Variants in SLC10A1 observed in about 807,000 individuals in gnomAD.
SLC10A1 encodes the protein hepatic sodium/bile acid cotransporter.
SLC10A1 carries 36 observed loss-of-function variants against 20.5 expected under a neutral mutation model. The observed-to-expected ratio is 1.75, with a 90% CI of 1.34 to 2.32. The LOEUF is 2.32. Ranked by LOEUF, SLC10A1 falls within the 30% of genes most tolerant of loss-of-function variation. The pLI is 0.00. For synonymous variants in SLC10A1, 188 were observed against 163.6 expected, an observed-to-expected ratio of 1.15 and a Z score of -1.14; for missense variants, 545 against 439.1, an observed-to-expected ratio of 1.24 and a Z score of -2.16.
rs61423777 is a variant in SLC10A1, at chr14:69,780,495, AAGT to A, written c.568-1138_568-1136del. On this transcript the variant is annotated intron_variant, in intron 2 of 4. Coordinates refer to ENST00000216540, the MANE Select transcript of SLC10A1 (RefSeq NM_003049.4). ...TATATTTCCTAGTAACATTTTAAAA[AAGT>A]AAAATATGTATAGCAAAGTTTGCCA... Among the ~76,000 whole-genome samples, 968 of 148,580 alleles carry A rather than the reference AAGT, an allele frequency of 6.5e-3. 9 individuals are homozygous for A. Among genetic ancestry groups the A allele is most frequent in the African/African-American group, 0.022 (927 of 41,478 alleles).
At chr14:69,779,465 A>G in intron 2 of SLC10A1, 105 bp from the exon 3 acceptor site, 1 of 791,352 alleles carries the variant, frequency 1.3e-6, no homozygotes, top group South Asian at 2.0e-5. Flanking sequence ...TTGCAATAAA[A>G]CACTGGAAGT....
rs750470666 is a variant in SLC10A1 at position 69,786,147 on chromosome 14, C to G, written c.517G>C (p.Gly173Arg). ...GGCCGTTTGGATTTGAGGACGATCC[C>G]TATGGTGCAAGGAATGAGAACCAGG... Reference protein sequence around the residue: ...LVLVLIPCTIGIVLKSKRPQY... With the variant: ...LVLVLIPCTIRIVLKSKRPQY... Residue 173 changes from glycine to arginine, a missense_variant, in exon 2 of 5, where the codon GGG becomes CGG. Gly to Arg is a moderately radical substitution (Grantham distance 125). Coordinates refer to ENST00000216540, the MANE Select transcript of SLC10A1 (RefSeq NM_003049.4). 4.5e-5 allele frequency: 72 copies of G among 1,613,980 alleles called. No homozygotes were observed. In the Admixed American group the frequency reaches 1.2e-3, roughly 26 times the overall value.
In SLC10A1 at chr14:69,786,271, A is replaced by G. The variant is rs61744165; in HGVS notation, c.393T>C (p.Leu131=). 2 of 1,614,098 alleles carry G rather than the reference A, an allele frequency of 1.2e-6. No individual in the cohort carries two copies. Among genetic ancestry groups the G allele is most frequent in the East Asian group, 2.2e-5 (1 of 44,870 alleles). ...VMTTCSTFCA[L]GMMPLLLYIY... is the part of the protein sequence containing the mutation. ...TGTACAGGAGGAGAGGCATCATGCCAAGGGCACAGAAGGTGGAGCAGGTGG... is the reference window on the plus strand; with the variant it reads ...TGTACAGGAGGAGAGGCATCATGCCGAGGGCACAGAAGGTGGAGCAGGTGG... Residue 131 remains leucine, a synonymous_variant, in exon 2 of 5, where the codon CTT becomes CTC. Coordinates refer to ENST00000216540, the MANE Select transcript of SLC10A1 (RefSeq NM_003049.4).
intron 1 of SLC10A1, among the ~76,000 whole-genome samples, chr14:69,790,237 C>T (rs1325400960): frequency 6.6e-6 from 1 of 152,086 alleles, no homozygotes; most frequent in Non-Finnish European, 1.5e-5. Flanking sequence ...TTTATACTGT[C>T]TTACGGTAGT....
intron 4 of SLC10A1, among the ~76,000 whole-genome samples, chr14:69,777,210 CAG>C (rs1265067307): frequency 6.6e-6 from 1 of 152,180 alleles, no homozygotes; most frequent in Non-Finnish European, 1.5e-5. Flanking sequence ...AGATAAGCAT[CAG>C]AGTAGATTCT....
Position 69,776,226 on chromosome 14 carries a change from C to G in SLC10A1, c.*56G>C. ...TGTTTTTGCTGCTCTCTCTAGTTTA[C>G]CACACTGGCTTTCAGAATTGCTTTG... On this transcript the variant is annotated 3_prime_UTR_variant, in exon 5 of 5. Transcript: ENST00000216540. The G allele has an allele frequency of 7.5e-7, 1 of 1,336,020 alleles. No homozygotes were observed. The highest frequency in any genetic ancestry group is 1.5e-5 in the African/African-American group (1 of 68,896). 82.8% of individuals were successfully genotyped at this position (1,336,020 alleles called of 1,614,324 possible). A position where few individuals can be genotyped will look rare whatever the true frequency, so the allele number is the denominator to read the frequency against.
intron 1 of SLC10A1, among the ~76,000 whole-genome samples, chr14:69,787,356 C>T (rs1192405169): frequency 2.6e-5 from 4 of 152,158 alleles, no homozygotes; most frequent in Non-Finnish European, 5.9e-5. Context: ...TAGGGCATCT[C>T]CTTAGATTTA....
Position 69,775,646 on chromosome 14 carries a change from CAA to C in SLC10A1, c.*634_*635del, listed in dbSNP as rs1463924646. 1 of 152,180 alleles carries C rather than the reference CAA, an allele frequency of 6.6e-6. No individual in the cohort carries two copies. The highest frequency in any genetic ancestry group is 2.4e-5 in the African/African-American group (1 of 41,436). 9.4% of individuals were successfully genotyped at this position (152,180 alleles called of 1,614,324 possible). The stretch of plus-strand genomic sequence containing the variant: ...TGTTTGTTTCCTGGTTTTTCCTTGT[CAA>C]AAGTTTTCCTCCTCTACTAACATGA... On this transcript the variant is annotated 3_prime_UTR_variant, in exon 5 of 5. Transcript: ENST00000216540.
chr14:69,786,942 A>G (rs1257232341), intron 1 of SLC10A1, among the ~76,000 whole-genome samples: 2 of 152,258 alleles, frequency 1.3e-5, no homozygotes, highest in Non-Finnish European at 2.9e-5. Flanking sequence ...AAACCCTACT[A>G]GAAAAATCAA....
At chr14:69,795,478 T>A (rs1882371051) in intron 1 of SLC10A1, among the ~76,000 whole-genome samples, 1 of 149,902 alleles carries the variant, frequency 6.7e-6, no homozygotes, top group Admixed American at 6.7e-5. Context: ...TGATCATGAC[T>A]CACTGTAGCC....
chr14:69,790,710 TAAC>T (rs982896763), intron 1 of SLC10A1, among the ~76,000 whole-genome samples: 1 of 152,050 alleles, frequency 6.6e-6, no homozygotes, highest in Non-Finnish European at 1.5e-5. Flanking sequence ...GGATTTTCTT[TAAC>T]AAGAGGAATA....
rs187985178 is a variant in SLC10A1 at position 69,777,393 on chromosome 14, T to C, written c.943+940A>G. Among the ~76,000 whole-genome samples the C allele has an allele frequency of 1.8e-4, 28 of 152,196 alleles. No individual in the cohort carries two copies. The South Asian group carries it at 4.4e-3, about 24-fold the overall frequency. Reference sequence around the variant, plus strand: ...GCTAGTATAATGTAACAAATTCCAATAGGGAAAGTTGTGTATTTCTCCTAG... The same window carrying C: ...GCTAGTATAATGTAACAAATTCCAACAGGGAAAGTTGTGTATTTCTCCTAG... On this transcript the variant is annotated intron_variant, in intron 4 of 4. Coordinates refer to ENST00000216540, the MANE Select transcript of SLC10A1 (RefSeq NM_003049.4).
chr14:69,797,160 C>G lies in SLC10A1; in HGVS notation c.-5G>C. On this transcript the variant is annotated 5_prime_UTR_variant, in exon 1 of 5. Transcript: ENST00000216540. Reference sequence around the variant, plus strand: ...AGACGCGTTGTGGGCCTCCATCCTCCTGTGAGGCAGTGGAAGACCACTCCT... The same window carrying G: ...AGACGCGTTGTGGGCCTCCATCCTCGTGTGAGGCAGTGGAAGACCACTCCT... 1 of 1,601,204 alleles carries G rather than the reference C, an allele frequency of 6.2e-7. No homozygotes were observed. The highest frequency in any genetic ancestry group is 1.3e-5 in the African/African-American group (1 of 74,878).
rs754855065 is a variant in SLC10A1 at position 69,797,053 on chromosome 14, A to G, written c.103T>C (p.Leu35=). 5 of 1,614,066 alleles carry G rather than the reference A, an allele frequency of 3.1e-6. No homozygotes were observed. The highest frequency in any genetic ancestry group is 4.2e-6 in the Non-Finnish European group (5 of 1,180,038). ...LALSVILVFM[L]FFIMLSLGCT... is the part of the protein sequence containing the mutation. The stretch of plus-strand genomic sequence containing the variant: ...CCCAGCGAGAGCATGATGAAGAACA[A>G]CATGAACACCAGGATGACGCTCAGT... Residue 35 remains leucine, a synonymous_variant, in exon 1 of 5, where the codon TTG becomes CTG. Transcript: ENST00000216540.
chr14:69,794,853 C>G (rs560775357), intron 1 of SLC10A1, among the ~76,000 whole-genome samples: 3 of 152,152 alleles, frequency 2.0e-5, no homozygotes, highest in Non-Finnish European at 4.4e-5. Flanking sequence ...GGGTCATGTT[C>G]TTGAGTCACC....
intron 1 of SLC10A1, among the ~76,000 whole-genome samples, chr14:69,796,163 C>T (rs1851252299): frequency 6.6e-6 from 1 of 152,132 alleles, no homozygotes; most frequent in Admixed American, 6.5e-5. Context: ...GCTGTCTTCC[C>T]CTTATCAGGG....
At chr14:69,787,026 A>T (rs182335399) in intron 1 of SLC10A1, among the ~76,000 whole-genome samples, 1 of 152,244 alleles carries the variant, frequency 6.6e-6, no homozygotes, top group Non-Finnish European at 1.5e-5. Flanking sequence ...TTGAAGGGCC[A>T]TAATGGTGGG....
At chr14:69,785,582 CTTTCT>C (rs1883691547) in intron 2 of SLC10A1, among the ~76,000 whole-genome samples, 2 of 145,520 alleles carry the variant, frequency 1.4e-5, no homozygotes, top group Middle Eastern at 3.6e-3. Context: ...ACTTCATTTT[CTTTCT>C]TTTCTTTTTT....
At chr14:69,779,828 T>C (rs1391076832) in intron 2 of SLC10A1, among the ~76,000 whole-genome samples, 1 of 127,370 alleles carries the variant, frequency 7.9e-6, no homozygotes, top group Non-Finnish European at 1.6e-5. Flanking sequence ...TCCTGCAAAA[T>C]GGATATTATT....
Sources: gnomAD v4.1 joint callset for allele counts (sites outside exome capture counted in the v4.1 genomes callset) on GRCh38, gnomAD v4.1.1 for gene constraint, MANE v1.5 for transcripts, NCBI Gene and HGNC (gene_info 2026-07-23, HGNC 2026-07-21) for gene names.